The following DGKB variants were observed in gnomAD, a reference collection of about 807,000 sequenced individuals.
DGKB encodes the protein diacylglycerol kinase beta.
A neutral mutation model predicts 114.3 loss-of-function variants in DGKB; 67 were observed. The observed-to-expected ratio is 0.59, with a 90% CI of 0.48 to 0.72. The LOEUF (loss-of-function observed/expected upper bound fraction) is 0.72. Among genes scored for constraint, DGKB ranks in the 30% least tolerant of loss-of-function variants. The probability of loss-of-function intolerance (pLI) is 0.00; values close to 1 mark genes in which losing one functional copy is unlikely to be tolerated. For synonymous variants in DGKB, 398 were observed against 323.1 expected, an observed-to-expected ratio of 1.23 and a Z score of -2.49; for missense variants, 907 against 975.2, an observed-to-expected ratio of 0.93 and a Z score of 0.93.
At chr7:14,299,426 T>C (rs1477986384) in intron 23 of DGKB, among the ~76,000 whole-genome samples, 2 of 152,110 alleles carry the variant, frequency 1.3e-5, no homozygotes, top group Non-Finnish European at 2.9e-5. Context: ...AAAGACTCAA[T>C]ATCAAATGAA....
At chr7:14,679,259 C>G (rs541774834) in intron 12 of DGKB, among the ~76,000 whole-genome samples, 1 of 152,146 alleles carries the variant, frequency 6.6e-6, no homozygotes, top group South Asian at 2.1e-4. Flanking sequence ...ATAATTGTTA[C>G]TTACTAAGCA....
intron 1 of DGKB, among the ~76,000 whole-genome samples, chr7:14,939,868 C>T (rs1314301068): frequency 1.3e-5 from 2 of 152,086 alleles, no homozygotes; most frequent in African/African-American, 4.8e-5. Context: ...CCGCCTCGGC[C>T]TCCCAAAGTG....
chr7:14,697,485 C>A (rs1175944067), intron 8 of DGKB, among the ~76,000 whole-genome samples: 2 of 152,052 alleles, frequency 1.3e-5, no homozygotes, highest in East Asian at 3.9e-4. Flanking sequence ...GACCACCATT[C>A]AAAATAACTT....
intron 20 of DGKB, among the ~76,000 whole-genome samples, chr7:14,548,989 G>T (rs1322552934): frequency 6.6e-6 from 1 of 151,516 alleles, no homozygotes; most frequent in Non-Finnish European, 1.5e-5. Context: ...CAATGAGGAG[G>T]AGTGAAATAA....
At chr7:14,318,837 C>T (rs188368515) in intron 23 of DGKB, among the ~76,000 whole-genome samples, 125 of 152,244 alleles carry the variant, frequency 8.2e-4, no homozygotes, top group Admixed American at 1.4e-3. Flanking sequence ...CACATGCACA[C>T]GTATGTTTAT....
intron 21 of DGKB, among the ~76,000 whole-genome samples, chr7:14,404,088 C>T (rs1379200810): frequency 6.6e-6 from 1 of 151,356 alleles, no homozygotes; most frequent in African/African-American, 2.4e-5. Flanking sequence ...AGGCCAAAGG[C>T]ATGCTTAGTG....
intron 23 of DGKB, among the ~76,000 whole-genome samples, chr7:14,314,299 T>A (rs1184291790): frequency 6.6e-6 from 1 of 152,220 alleles, no homozygotes; most frequent in African/African-American, 2.4e-5. Context: ...TTTGACGAGC[T>A]GAGAGAAGAA....
chr7:14,207,191 T>A (rs555827180), intron 23 of DGKB, among the ~76,000 whole-genome samples: 36 of 152,142 alleles, frequency 2.4e-4, no homozygotes, highest in Non-Finnish European at 4.7e-4. Flanking sequence ...ATGTGATCCA[T>A]CAGTATGTGA....
chr7:14,352,602 A>G (rs1303175041), intron 21 of DGKB, among the ~76,000 whole-genome samples: 1 of 152,188 alleles, frequency 6.6e-6, no homozygotes, highest in East Asian at 1.9e-4. Context: ...ACAATAACCA[A>G]TCATGTTAAG....
intron 23 of DGKB, among the ~76,000 whole-genome samples, chr7:14,314,927 G>A (rs199989144): frequency 0.089 from 13,416 of 151,436 alleles, 610 homozygotes; most frequent in East Asian, 0.14. Flanking sequence ...GACTAACAGC[G>A]GATCTCTCGG....
intron 5 of DGKB, among the ~76,000 whole-genome samples, chr7:14,727,695 T>C (rs1326899565): frequency 6.6e-6 from 1 of 152,152 alleles, no homozygotes; most frequent in Non-Finnish European, 1.5e-5. Flanking sequence ...ACAAGCTATG[T>C]AGTCTGTTCA....
At chr7:14,252,254 G>T (rs1795355600) in intron 23 of DGKB, among the ~76,000 whole-genome samples, 1 of 152,018 alleles carries the variant, frequency 6.6e-6, no homozygotes, top group African/African-American at 2.4e-5. Context: ...GAACCCTTGT[G>T]GCTCATTGAG....
intron 4 of DGKB, among the ~76,000 whole-genome samples, chr7:14,739,389 A>G (rs1832210625): frequency 6.6e-6 from 1 of 152,178 alleles, no homozygotes; most frequent in South Asian, 2.1e-4. Context: ...CCAGAAATTC[A>G]TGCTCTATGC....
chr7:14,596,753 T>G (rs1802648272), intron 17 of DGKB, among the ~76,000 whole-genome samples: 1 of 152,166 alleles, frequency 6.6e-6, no homozygotes, highest in Non-Finnish European at 1.5e-5. Flanking sequence ...ATGCCCAATT[T>G]TTCTGGTTAA....
chr7:14,155,000 A>G (rs538589668), intron 25 of DGKB, among the ~76,000 whole-genome samples: 2 of 152,214 alleles, frequency 1.3e-5, no homozygotes, highest in South Asian at 4.1e-4. Flanking sequence ...TCATTGTTAG[A>G]AATGCAGACT....
chr7:14,472,884 A>G (rs1040765487), intron 21 of DGKB, among the ~76,000 whole-genome samples: 6 of 152,150 alleles, frequency 3.9e-5, no homozygotes, highest in African/African-American at 1.4e-4. Flanking sequence ...TATCTGGAGG[A>G]AGAAATTTCT....
chr7:14,936,912 G>T (rs957658082), intron 1 of DGKB, among the ~76,000 whole-genome samples: 3 of 151,868 alleles, frequency 2.0e-5, no homozygotes, highest in South Asian at 2.1e-4. Context: ...TATCAGGGTG[G>T]TCCCTGCCCC....
chr7:14,506,974 T>A (rs1787186532), intron 20 of DGKB, among the ~76,000 whole-genome samples: 1 of 152,178 alleles, frequency 6.6e-6, no homozygotes, highest in South Asian at 2.1e-4. Flanking sequence ...GGCTGGATGA[T>A]GCCAAGGTGA....
chr7:14,894,339 G>C (rs1263997603), intron 1 of DGKB, among the ~76,000 whole-genome samples: 1 of 151,294 alleles, frequency 6.6e-6, no homozygotes, highest in Admixed American at 6.6e-5. Flanking sequence ...TCAGCAAAAC[G>C]CATATTAGAG....
Sources: gnomAD v4.1 joint callset for allele counts (sites outside exome capture counted in the v4.1 genomes callset) on GRCh38, gnomAD v4.1.1 for gene constraint, MANE v1.5 for transcripts, NCBI Gene and HGNC (gene_info 2026-07-23, HGNC 2026-07-21) for gene names.